The following TMEM71 variants were observed in gnomAD, a reference collection of about 807,000 sequenced individuals.
The protein encoded by TMEM71 is transmembrane protein 71.
In TMEM71, 44 loss-of-function variants were observed where a neutral mutation model predicts 38.0. That is an observed-to-expected ratio of 1.16 (90% CI 0.91 to 1.49). The LOEUF is 1.49. TMEM71 is among the 40% of genes most tolerant of loss of function. The pLI is 0.00. For missense variants in TMEM71, 367 were observed against 348.6 expected, an observed-to-expected ratio of 1.05 and a Z score of -0.42; for synonymous variants, 133 against 122.5, an observed-to-expected ratio of 1.09 and a Z score of -0.56.
rs751403320 is a variant in TMEM71 at position 132,751,839 on chromosome 8, T to G, written c.260A>C (p.Asn87Thr). The G allele has an allele frequency of 6.8e-6, 11 of 1,614,000 alleles. No individual in the cohort carries two copies. The highest frequency in any genetic ancestry group is 8.5e-6 in the Non-Finnish European group (10 of 1,180,050). ...EDSFLCDKDG[N>T]ITLNPSQTSV... is the part of the protein sequence containing the mutation. ...GGTCTGGGATGGGTTCAGAGTTATG[T>G]TGCCATCTTTGTCGCACAGGAAGCT... Residue 87 changes from asparagine (N) to threonine (T), a missense_variant, in exon 4 of 10, where the codon AAC becomes ACC. Asn to Thr is a moderately conservative substitution (Grantham distance 65). Coordinates refer to ENST00000677595, the MANE Select transcript of TMEM71 (RefSeq NM_001382403.1).
chr8:132,771,612 A>G, the TMEM71 span, among the ~76,000 whole-genome samples: 1 of 151,298 alleles, frequency 6.6e-6, no homozygotes, highest in Non-Finnish European at 1.5e-5. Context: ...TATAATATAT[A>G]TGTATTATTA....
downstream of TMEM71, among the ~76,000 whole-genome samples, chr8:132,706,187 G>T (rs952481598): frequency 1.3e-5 from 2 of 152,102 alleles, no homozygotes; most frequent in African/African-American, 2.4e-5. Context: ...AAAAATACAT[G>T]TTTGTTGGGT....
At chr8:132,713,517 A>G (rs1351012496) in intron 9 of TMEM71, among the ~76,000 whole-genome samples, 4 of 152,140 alleles carry the variant, frequency 2.6e-5, no homozygotes, top group Non-Finnish European at 5.9e-5. Flanking sequence ...TTGAAATTCT[A>G]TGGGCATCCC....
At chr8:132,749,474 C>T (rs112309255) in intron 4 of TMEM71, among the ~76,000 whole-genome samples, 1,840 of 152,280 alleles carry the variant, frequency 0.012, 36 homozygotes, top group African/African-American at 0.041. Flanking sequence ...AAGGTCTCCC[C>T]AGTGCAATGT....
chr8:132,719,052 CAT>C (rs1397590956), intron 7 of TMEM71, among the ~76,000 whole-genome samples: 1 of 152,168 alleles, frequency 6.6e-6, no homozygotes, highest in Non-Finnish European at 1.5e-5. Flanking sequence ...TGAGCTCTAA[CAT>C]AAATACAGCA....
chr8:132,760,556 C>T lies in TMEM71; in HGVS notation c.-117G>A, dbSNP rs902236238. The T allele has an allele frequency of 6.6e-6, 1 of 152,256 alleles. No homozygotes were observed. The highest frequency in any genetic ancestry group is 2.4e-5 in the African/African-American group (1 of 41,462). The allele number at this position is 152,256 out of a possible 1,614,324, so 9.4% of individuals were successfully genotyped here. ...TTTGTCTTCGGCAGCCTCTTGTTCT[C>T]TTGTCTGTTTCCTGGTATAAATGAG... On this transcript the variant is annotated 5_prime_UTR_variant, in exon 1 of 10. Transcript: ENST00000677595.
intron 6 of TMEM71, among the ~76,000 whole-genome samples, chr8:132,722,395 T>C (rs951002910): frequency 3.9e-5 from 6 of 152,232 alleles, no homozygotes; most frequent in African/African-American, 1.4e-4. Context: ...TTTGATTTAA[T>C]GTTGGGGAAA....
chr8:132,757,539 T>C (rs1829092705), intron 2 of TMEM71, among the ~76,000 whole-genome samples: 1 of 151,964 alleles, frequency 6.6e-6, no homozygotes, highest in South Asian at 2.1e-4. Context: ...CATAACACTC[T>C]AGAAGTTCCG....
chr8:132,741,623 G>A (rs1828043409), intron 5 of TMEM71, among the ~76,000 whole-genome samples: 1 of 151,822 alleles, frequency 6.6e-6, no homozygotes, highest in African/African-American at 2.4e-5. Flanking sequence ...AGGTGACAAA[G>A]AGAAAGACAG....
intron 3 of TMEM71, among the ~76,000 whole-genome samples, 198 bp downstream of exon 3, chr8:132,757,036 G>A (rs995793688): frequency 6.8e-6 from 1 of 147,252 alleles, no homozygotes; most frequent in African/African-American, 2.5e-5. Context: ...GCAGGGGCCC[G>A]CCACCACGCA....
Position 132,751,990 on chromosome 8 carries a change from A to C in TMEM71, c.109T>G (p.Cys37Gly), listed in dbSNP as rs1238468122. 2 of 1,613,980 alleles carry C rather than the reference A, an allele frequency of 1.2e-6. No individual in the cohort carries two copies. The highest frequency in any genetic ancestry group is 8.5e-7 in the Non-Finnish European group (1 of 1,179,906). ...GAATGGTAACCATCCAGGGAATCACAGGTGAAACTAAGAAGGAAAAGATAA... is the reference window on the plus strand; with the variant it reads ...GAATGGTAACCATCCAGGGAATCACCGGTGAAACTAAGAAGGAAAAGATAA... Reference protein sequence around the residue: ...SPTCIFPSFTCDSLDGYHSFE... With the variant: ...SPTCIFPSFTGDSLDGYHSFE... Residue 37 changes from cysteine to glycine, a missense_variant, in exon 4 of 10, where the codon TGT becomes GGT. Coordinates refer to ENST00000677595, the MANE Select transcript of TMEM71 (RefSeq NM_001382403.1).
intron 4 of TMEM71, among the ~76,000 whole-genome samples, chr8:132,748,713 A>G (rs1366190539): frequency 6.6e-6 from 1 of 152,336 alleles, no homozygotes; most frequent in Non-Finnish European, 1.5e-5. Flanking sequence ...CTCCTTATTA[A>G]GTATGTATTA....
intron 6 of TMEM71, among the ~76,000 whole-genome samples, chr8:132,724,910 T>C (rs1021158986): frequency 6.6e-6 from 1 of 152,208 alleles, no homozygotes; most frequent in East Asian, 1.9e-4. Context: ...ACTCAATTAC[T>C]GGCCTCTTGT....
chr8:132,765,281 A>C (rs2472233), upstream of TMEM71, among the ~76,000 whole-genome samples: 61,732 of 152,034 alleles, frequency 0.41, 12,708 homozygotes, highest in Non-Finnish European at 0.44. Flanking sequence ...AAGGTCCCCG[A>C]AAGTTAGACT....
chr8:132,723,795 A>T (rs892588046), intron 6 of TMEM71, among the ~76,000 whole-genome samples: 8 of 152,082 alleles, frequency 5.3e-5, no homozygotes, highest in African/African-American at 9.7e-5. Flanking sequence ...CTAGCATTTG[A>T]TTCCTTTCAA....
intron 3 of TMEM71, among the ~76,000 whole-genome samples, chr8:132,755,599 G>A (rs1013136383): frequency 1.3e-5 from 2 of 152,092 alleles, no homozygotes; most frequent in Non-Finnish European, 2.9e-5. Flanking sequence ...ATATCATTAG[G>A]ACCATTAAAA....
intron 8 of TMEM71, 29 bp downstream of exon 8, chr8:132,714,125 T>C (rs1452944394): frequency 1.1e-5 from 17 of 1,610,768 alleles, no homozygotes; most frequent in Non-Finnish European, 1.4e-5. Flanking sequence ...ACAGGCATCA[T>C]TGCAGTAATC....
At chr8:132,717,045 A>C (rs762316128) in intron 7 of TMEM71, among the ~76,000 whole-genome samples, 13 of 152,374 alleles carry the variant, frequency 8.5e-5, no homozygotes, top group Non-Finnish European at 1.5e-4. Flanking sequence ...ACGCAAAAGA[A>C]TGAAGTTGAA....
chr8:132,747,774 G>C (rs901484058), intron 4 of TMEM71, among the ~76,000 whole-genome samples: 2 of 152,220 alleles, frequency 1.3e-5, no homozygotes, highest in Non-Finnish European at 2.9e-5. Flanking sequence ...CAGTAAGTCT[G>C]ATTAGGTCAT....
Sources: allele counts gnomAD v4.1 joint callset (sites outside exome capture counted in the v4.1 genomes callset), GRCh38; gene constraint gnomAD v4.1.1; transcripts MANE v1.5; gene names NCBI Gene and HGNC (gene_info 2026-07-23, HGNC 2026-07-21).